OR2M2: variants seen among roughly 807,000 people sequenced by gnomAD.
The protein encoded by OR2M2 is olfactory receptor family 2 subfamily M member 2.
For missense variants in OR2M2, 467 were observed against 429.9 expected (o/e 1.09, Z -0.76); for synonymous variants, 168 against 151.7 (o/e 1.11, Z -0.79).
chr1:248,175,192 G>A (rs1665845600), intron 1 of OR2M2, among the ~76,000 whole-genome samples: 1 of 152,062 alleles, frequency 6.6e-6, no homozygotes, highest in African/African-American at 2.4e-5. Context: ...ATGAGAACAG[G>A]ATATAACCAA....
chr1:248,180,475 T>C lies in OR2M2; in HGVS notation c.490T>C (p.Phe164Leu). ...TDGIIDAVAT[F>L]SFSFCGSREI... ...TGGAATCATTGATGCTGTAGCCACA[T>C]TTTCCTTCTCCTTTTGTGGGTCTCG... Residue 164 changes from phenylalanine (F) to leucine (L), a missense_variant, in exon 2 of 2, where the codon TTT becomes CTT. Transcript: ENST00000641836. The C allele has an allele frequency of 6.2e-7, 1 of 1,613,958 alleles. No homozygotes were observed. Among genetic ancestry groups the C allele is most frequent in the Non-Finnish European group, 8.5e-7 (1 of 1,179,892 alleles).
intron 1 of OR2M2, among the ~76,000 whole-genome samples, chr1:248,178,933 G>A (rs767884126): frequency 6.0e-4 from 92 of 152,270 alleles, no homozygotes; most frequent in Non-Finnish European, 1.0e-3. Context: ...GAGATATTGT[G>A]TGTATTAGTT....
chr1:248,175,287 A>G (rs749627569), intron 1 of OR2M2, among the ~76,000 whole-genome samples: 1 of 152,114 alleles, frequency 6.6e-6, no homozygotes, highest in Non-Finnish European at 1.5e-5. Flanking sequence ...CAAAAATCTA[A>G]TATCCAAAAT....
chr1:248,177,389 A>T (rs1262583897), intron 1 of OR2M2, among the ~76,000 whole-genome samples: 1 of 152,134 alleles, frequency 6.6e-6, no homozygotes, highest in African/African-American at 2.4e-5. Flanking sequence ...ACTTAAAAAG[A>T]TATATAGGTA....
Position 248,181,025 on chromosome 1 carries a change from C to T in OR2M2, c.1040C>T (p.Ala347Val). 6.3e-7 allele frequency: 1 copy of T among 1,585,058 alleles called. No homozygotes were observed. Among genetic ancestry groups the T allele is most frequent in the Non-Finnish European group, 8.6e-7 (1 of 1,160,298 alleles). Reference sequence around the variant, plus strand: ...ATACTAGCATTGATTATGTACATTGCCTAACATATTTATGGGCACCTATAC... The same window carrying T: ...ATACTAGCATTGATTATGTACATTGTCTAACATATTTATGGGCACCTATAC... ...VKILALIMYI[A>V] is the part of the protein sequence containing the mutation. The change falls in exon 2 of 2, where the codon GCC becomes GTC. Residue 347 changes from alanine (A) to valine (V), a missense_variant. Physicochemically the swap from Ala to Val is moderately conservative, Grantham distance 64. Coordinates refer to ENST00000641836, the MANE Select transcript of OR2M2 (RefSeq NM_001004688.2).
chr1:248,179,472 T>A (rs541038897), intron 1 of OR2M2, among the ~76,000 whole-genome samples: 1 of 152,160 alleles, frequency 6.6e-6, no homozygotes, highest in East Asian at 1.9e-4. Flanking sequence ...AAAGTGTAGA[T>A]CAAATATTCT....
At chr1:248,177,528 A>C (rs988575603) in intron 1 of OR2M2, among the ~76,000 whole-genome samples, 1 of 152,144 alleles carries the variant, frequency 6.6e-6, no homozygotes, top group South Asian at 2.1e-4. Flanking sequence ...ACAGTTGACA[A>C]GATCAAGATA....
In OR2M2 at chr1:248,181,039, G is replaced by T; in HGVS notation, c.*10G>T. 1.3e-6 allele frequency: 2 copies of T among 1,542,828 alleles called. No individual in the cohort carries two copies. The highest frequency in any genetic ancestry group is 1.8e-6 in the Non-Finnish European group (2 of 1,127,614). On this transcript the variant is annotated 3_prime_UTR_variant, in exon 2 of 2. Transcript: ENST00000641836. Reference sequence around the variant, plus strand: ...TATGTACATTGCCTAACATATTTATGGGCACCTATACAATTTATTTCAGGT... The same window carrying T: ...TATGTACATTGCCTAACATATTTATTGGCACCTATACAATTTATTTCAGGT...
In OR2M2 at chr1:248,180,017, A is replaced by G. The variant is rs780206895; in HGVS notation, c.32A>G (p.Asp11Gly). 6 of 1,613,538 alleles carry G rather than the reference A, an allele frequency of 3.7e-6. No individual in the cohort carries two copies. In the African/African-American group the frequency reaches 5.3e-5, roughly 14 times the overall value. ...TGGGAGAATCAGACCTTCAACTCCG[A>G]CTTCATCCTCCTTGGAATCTTCAAT... The part of the protein sequence containing the change: MAWENQTFNS[D>G]FILLGIFNHS... Residue 11 changes from aspartate to glycine, a missense_variant, in exon 2 of 2, where the codon GAC becomes GGC. Asp to Gly is a moderately conservative substitution (Grantham distance 94). Transcript: ENST00000641836.
In OR2M2 at chr1:248,180,737, A is replaced by T. The variant is rs778855941; in HGVS notation, c.752A>T (p.Tyr251Phe). Residue 251 changes from tyrosine to phenylalanine, a missense_variant, in exon 2 of 2, where the codon TAC (tyrosine) becomes TTC (phenylalanine). Coordinates refer to ENST00000641836, the MANE Select transcript of OR2M2 (RefSeq NM_001004688.2). The part of the protein sequence containing the change: ...CSSHLMVVGM[Y>F]YGAALFMYIR... ...TCTCACCTCATGGTGGTGGGAATGTACTATGGAGCAGCTTTGTTCATGTAC... is the reference window on the plus strand; with the variant it reads ...TCTCACCTCATGGTGGTGGGAATGTTCTATGGAGCAGCTTTGTTCATGTAC... 16 of 1,613,548 alleles carry T rather than the reference A, an allele frequency of 9.9e-6. No individual in the cohort carries two copies. The East Asian group carries it at 1.3e-4, about 13-fold the overall frequency.
In OR2M2 at chr1:248,180,655, G is replaced by A. The variant is rs1214361226; in HGVS notation, c.670G>A (p.Ala224Thr). The A allele has an allele frequency of 6.2e-7, 1 of 1,612,158 alleles. No homozygotes were observed. The highest frequency in any genetic ancestry group is 1.3e-5 in the African/African-American group (1 of 74,792). Residue 224 changes from alanine to threonine, a missense_variant, in exon 2 of 2, where the codon GCT (alanine) becomes ACT (threonine). Ala to Thr is a moderately conservative substitution (Grantham distance 58). Coordinates refer to ENST00000641836, the MANE Select transcript of OR2M2 (RefSeq NM_001004688.2). Reference protein sequence around the residue: ...IIASYARVILAVIHMGSGEGR... With the variant: ...IIASYARVILTVIHMGSGEGR... ...TGCTTCCTATGCTCGAGTTATTCTG[G>A]CTGTCATTCACATGGGATCTGGAGA...
chr1:248,178,648 A>G (rs1665882361), intron 1 of OR2M2, among the ~76,000 whole-genome samples: 1 of 152,162 alleles, frequency 6.6e-6, no homozygotes, highest in African/African-American at 2.4e-5. Flanking sequence ...ATTTCCCTTG[A>G]CTACTCTGTT....
chr1:248,175,706 C>T (rs186370112), intron 1 of OR2M2, among the ~76,000 whole-genome samples: 101 of 152,120 alleles, frequency 6.6e-4, no homozygotes, highest in African/African-American at 2.3e-3. Context: ...AAATATGTTA[C>T]GTCTATATTT....
In OR2M2 at chr1:248,180,624, C is replaced by A; in HGVS notation, c.639C>A (p.Ile213=). 1.9e-6 allele frequency: 3 copies of A among 1,612,642 alleles called. No homozygotes were observed. Among genetic ancestry groups the A allele is most frequent in the African/African-American group, 1.3e-5 (1 of 74,956 alleles). The change falls in exon 2 of 2, where the codon ATC becomes ATA. Residue 213 remains isoleucine, a synonymous_variant. Transcript: ENST00000641836. ...CIVMLVFPVA[I]IIASYARVIL... ...TAATGCTTGTTTTCCCTGTTGCAAT[C>A]ATCATTGCTTCCTATGCTCGAGTTA...
chr1:248,175,089 G>A (rs1189591135), intron 1 of OR2M2, among the ~76,000 whole-genome samples: 1 of 152,146 alleles, frequency 6.6e-6, no homozygotes, highest in Non-Finnish European at 1.5e-5. Flanking sequence ...TGAAAGATTG[G>A]ATAAAATCCA....
intron 1 of OR2M2, chr1:248,177,798 C>T (rs1665871754): frequency 6.6e-6 from 1 of 152,136 alleles, no homozygotes; most frequent in African/African-American, 2.4e-5. Flanking sequence ...TGACCTGGAT[C>T]TGAGCTACCA....
In OR2M2 at chr1:248,180,042, T is replaced by A. The variant is rs761787327; in HGVS notation, c.57T>A (p.Asn19Lys). ...NSDFILLGIFNHSPPHTFLFF... is the reference protein window; with the variant it reads ...NSDFILLGIFKHSPPHTFLFF... Reference sequence around the variant, plus strand: ...ACTTCATCCTCCTTGGAATCTTCAATCACAGCCCACCACACACGTTCCTCT... The same window carrying A: ...ACTTCATCCTCCTTGGAATCTTCAAACACAGCCCACCACACACGTTCCTCT... Residue 19 changes from asparagine to lysine, a missense_variant, in exon 2 of 2, where the codon AAT (asparagine) becomes AAA (lysine). Transcript: ENST00000641836. The A allele has an allele frequency of 8.1e-6, 13 of 1,614,072 alleles. No individual in the cohort carries two copies. Among genetic ancestry groups the A allele is most frequent in the Non-Finnish European group, 1.1e-5 (13 of 1,179,984 alleles).
Position 248,177,773 on chromosome 1 carries a change from A to C in OR2M2, c.-18-2195A>C, listed in dbSNP as rs375547300. ...ATCCCAGAGATGCCCATTACTGCTT[A>C]TCAAGATGTTGACTTGACCTGGATC... On this transcript the variant is annotated intron_variant, in intron 1 of 1. Coordinates refer to ENST00000641836, the MANE Select transcript of OR2M2 (RefSeq NM_001004688.2). 6 of 152,124 alleles carry C rather than the reference A, an allele frequency of 3.9e-5. No individual in the cohort carries two copies. In the East Asian group the frequency reaches 7.7e-4, roughly 20 times the overall value. 9.4% of individuals were successfully genotyped at this position (152,124 alleles called of 1,614,324 possible).
rs1665904303 is a variant in OR2M2, at chr1:248,179,885, C to A, written c.-18-83C>A. 6.9e-6 allele frequency: 9 copies of A among 1,302,934 alleles called. No homozygotes were observed. In the East Asian group the frequency reaches 1.9e-4, roughly 27 times the overall value. 80.7% of individuals were successfully genotyped at this position (1,302,934 alleles called of 1,614,324 possible). ...TATTCATGCTGTATTGATCACCCAA[C>A]TACAGAATTTACCAAAATCACACGA... On this transcript the variant is annotated intron_variant, in intron 1 of 1. Coordinates refer to ENST00000641836, the MANE Select transcript of OR2M2 (RefSeq NM_001004688.2).
Sources: allele counts gnomAD v4.1 joint callset (sites outside exome capture counted in the v4.1 genomes callset), GRCh38; gene constraint gnomAD v4.1.1; transcripts MANE v1.5; gene names NCBI Gene and HGNC (gene_info 2026-07-23, HGNC 2026-07-21).